MALRD1: variants seen among roughly 807,000 people sequenced by gnomAD.
MALRD1 encodes the protein MAM and LDL receptor class A domain containing 1.
In MALRD1, 247 loss-of-function variants were observed where a neutral mutation model predicts 242.1. That is an observed-to-expected ratio of 1.02 (90% CI 0.92 to 1.13). The LOEUF is 1.13. Ranked by LOEUF, MALRD1 falls within the 50% of genes most tolerant of loss-of-function variation. MALRD1 has a pLI of 0.00. For missense variants in MALRD1, 2,989 were observed against 2,533.1 expected, an observed-to-expected ratio of 1.18 and a Z score of -3.86; for synonymous variants, 995 against 866.6, an observed-to-expected ratio of 1.15 and a Z score of -2.60.
At chr10:19,206,454 T>G (rs192114808) in intron 17 of MALRD1, among the ~76,000 whole-genome samples, 1 of 152,254 alleles carries the variant, frequency 6.6e-6, no homozygotes, top group Admixed American at 6.5e-5. Context: ...TCGAAAGCCT[T>G]TTCATCTTTT....
rs568099327 is a variant in MALRD1, at chr10:19,179,851, T to C, written c.1951+4523T>C. The stretch of plus-strand genomic sequence containing the variant: ...CATAAAACTATAGATCCTGCCTAGT[T>C]CTATATATTTTTCCACCTTTAAGAG... On this transcript the variant is annotated intron_variant, in intron 14 of 39. Coordinates refer to ENST00000454679, the MANE Select transcript of MALRD1 (RefSeq NM_001142308.3). Among the ~76,000 whole-genome samples the C allele has an allele frequency of 2.2e-4, 33 of 152,274 alleles. 1 individual carries two copies. In the East Asian group the frequency reaches 5.4e-3, roughly 25 times the overall value.
chr10:19,096,118 A>AT (rs1836022330), intron 4 of MALRD1, among the ~76,000 whole-genome samples: 1 of 152,146 alleles, frequency 6.6e-6, no homozygotes, highest in Non-Finnish European at 1.5e-5. Flanking sequence ...GAAGCATAAG[A>AT]TATTAGAGTG....
At chr10:19,656,115 A>G (rs1841143037) in intron 36 of MALRD1, among the ~76,000 whole-genome samples, 2 of 152,262 alleles carry the variant, frequency 1.3e-5, no homozygotes, top group South Asian at 4.1e-4. Context: ...GAAATGATTT[A>G]TAATTATTTC....
chr10:19,583,365 G>T (rs1283376831), intron 33 of MALRD1, among the ~76,000 whole-genome samples: 33 of 150,080 alleles, frequency 2.2e-4, no homozygotes, highest in African/African-American at 8.2e-4. Flanking sequence ...TGGGTTTGTC[G>T]TAGATAGCTC....
intron 32 of MALRD1, among the ~76,000 whole-genome samples, chr10:19,532,069 A>G (rs1258657876): frequency 6.6e-6 from 1 of 152,168 alleles, no homozygotes; most frequent in Non-Finnish European, 1.5e-5. Flanking sequence ...GCTCTTATTA[A>G]GTTCTGCCTT....
At chr10:19,697,702 G>T (rs1833443025) in intron 38 of MALRD1, among the ~76,000 whole-genome samples, 1 of 152,118 alleles carries the variant, frequency 6.6e-6, no homozygotes, top group South Asian at 2.1e-4. Context: ...GTGGCATTAT[G>T]CCACAGCCCA....
At chr10:19,352,352 G>A in intron 26 of MALRD1, 55 bp downstream of exon 26, 1 of 1,465,674 alleles carries the variant, frequency 6.8e-7, no homozygotes, top group South Asian at 1.3e-5. Context: ...AAGGTGAAAA[G>A]GAAGAAAGAA....
intron 21 of MALRD1, among the ~76,000 whole-genome samples, chr10:19,310,864 G>A (rs1842397596): frequency 6.6e-6 from 1 of 151,352 alleles, no homozygotes; most frequent in African/African-American, 2.4e-5. Flanking sequence ...ATATTACAGT[G>A]CATGTCCCAG....
intron 28 of MALRD1, among the ~76,000 whole-genome samples, chr10:19,414,002 C>G (rs1283243084): frequency 1.3e-5 from 2 of 150,916 alleles, no homozygotes; most frequent in Admixed American, 6.6e-5. Context: ...CAATTGCATT[C>G]CTCATAATTG....
chr10:19,078,010 A>C (rs950430168), intron 2 of MALRD1, among the ~76,000 whole-genome samples: 1 of 151,868 alleles, frequency 6.6e-6, no homozygotes, highest in Non-Finnish European at 1.5e-5. Context: ...TCTTGATGCT[A>C]TTATTATGAA....
intron 31 of MALRD1, among the ~76,000 whole-genome samples, chr10:19,522,910 C>G (rs10494865): frequency 0.036 from 5,466 of 152,228 alleles, 178 homozygotes; most frequent in African/African-American, 0.091. Context: ...GCACATCATT[C>G]TACATCCAAA....
At chr10:19,217,077 C>T (rs1837352545) in intron 18 of MALRD1, among the ~76,000 whole-genome samples, 1 of 152,226 alleles carries the variant, frequency 6.6e-6, no homozygotes, top group African/African-American at 2.4e-5. Context: ...CCAACCATAG[C>T]TAGTTGCAGT....
chr10:19,241,054 A>C (rs561695977), intron 18 of MALRD1, among the ~76,000 whole-genome samples: 81 of 152,162 alleles, frequency 5.3e-4, no homozygotes, highest in Non-Finnish European at 9.3e-4. Context: ...CTGGTTTTAG[A>C]ATCAAGATAT....
intron 31 of MALRD1, among the ~76,000 whole-genome samples, chr10:19,525,237 C>CT (rs113486212): frequency 7.2e-4 from 106 of 147,942 alleles, no homozygotes; most frequent in African/African-American, 1.8e-3. Context: ...AAAGTATCAA[C>CT]TTTTTTTTTT....
At chr10:19,278,248 G>A (rs74121441) in intron 19 of MALRD1, among the ~76,000 whole-genome samples, 6,747 of 152,034 alleles carry the variant, frequency 0.044, 182 homozygotes, top group Middle Eastern at 0.075. Context: ...TTTTCTCATT[G>A]CCCATAAAGA....
intron 26 of MALRD1, among the ~76,000 whole-genome samples, chr10:19,367,257 T>C (rs1465814470): frequency 6.6e-6 from 1 of 152,066 alleles, no homozygotes; most frequent in African/African-American, 2.4e-5. Context: ...ACTCTCCCTA[T>C]CCTCCTCTTC....
At chr10:19,200,644 G>T (rs1306744684) in intron 14 of MALRD1, among the ~76,000 whole-genome samples, 27 of 101,638 alleles carry the variant, frequency 2.7e-4, no homozygotes, top group African/African-American at 1.0e-3. Context: ...CCCTGCTTGA[G>T]GTTTTTTTTT....
chr10:19,438,942 G>T lies in MALRD1; in HGVS notation c.4846-11365G>T, dbSNP rs1834480567. 2.0e-5 allele frequency among the ~76,000 whole-genome samples: 3 copies of T among 152,066 alleles called. No individual in the cohort carries two copies. In the South Asian group the frequency reaches 6.2e-4, roughly 32 times the overall value. On this transcript the variant is annotated intron_variant, in intron 28 of 39. Coordinates refer to ENST00000454679, the MANE Select transcript of MALRD1 (RefSeq NM_001142308.3). The stretch of plus-strand genomic sequence containing the variant: ...GGGTACCGTTCATCCAAGATTCACT[G>T]GCAACCGATGCTTTTTCTTGAATCC...
chr10:19,518,499 CAG>C (rs1175587131), intron 31 of MALRD1, among the ~76,000 whole-genome samples: 6 of 151,906 alleles, frequency 3.9e-5, no homozygotes, highest in African/African-American at 1.2e-4. Context: ...TTTGAAATTA[CAG>C]AGTCTCTACT....
Sources: allele counts gnomAD v4.1 joint callset (sites outside exome capture counted in the v4.1 genomes callset), GRCh38; gene constraint gnomAD v4.1.1; transcripts MANE v1.5; gene names NCBI Gene and HGNC (gene_info 2026-07-23, HGNC 2026-07-21).